SCAND3: variants seen among roughly 807,000 people sequenced by gnomAD.
SCAND3 encodes SCAN domain-containing protein 3.
the SCAND3 span, among the ~76,000 whole-genome samples, chr6:28,592,528 T>A: frequency 6.6e-6 from 1 of 152,140 alleles, no homozygotes; most frequent in South Asian, 2.1e-4. This position sits in a 1 kb window ranked among gnomAD's most constrained non-coding sequence, Gnocchi z 4.1. Context: ...TTCAATGCAA[T>A]CCTTGTCAAA....
the SCAND3 span, among the ~76,000 whole-genome samples, chr6:28,613,918 A>T: frequency 6.6e-6 from 1 of 151,854 alleles, no homozygotes; most frequent in African/African-American, 2.4e-5. Context: ...TATAGACACT[A>T]CTATACCACT....
the SCAND3 span, among the ~76,000 whole-genome samples, chr6:28,600,899 C>CTTTTT: frequency 2.3e-4 from 27 of 119,668 alleles, no homozygotes; most frequent in Non-Finnish European, 2.2e-4. Flanking sequence ...CAACATGTGC[C>CTTTTT]TTTTTTTTTT....
chr6:28,596,172 G>A, the SCAND3 span, among the ~76,000 whole-genome samples: 1 of 152,110 alleles, frequency 6.6e-6, no homozygotes, highest in Non-Finnish European at 1.5e-5. Flanking sequence ...AAAGTTATTT[G>A]TGCAGCATAG....
chr6:28,605,553 G>A, the SCAND3 span, among the ~76,000 whole-genome samples: 1 of 152,086 alleles, frequency 6.6e-6, no homozygotes, highest in Non-Finnish European at 1.5e-5. Flanking sequence ...ATGAAATGAG[G>A]CCGGGAGCAG....
At chr6:28,593,158 T>A in the SCAND3 span, among the ~76,000 whole-genome samples, 1 of 151,806 alleles carries the variant, frequency 6.6e-6, no homozygotes, top group Non-Finnish European at 1.5e-5. Context: ...AAACCTTATA[T>A]CTAATAAAGG....
At chr6:28,575,719 T>A in the SCAND3 span, 1 of 1,614,000 alleles carries the variant, frequency 6.2e-7, no homozygotes, top group Admixed American at 1.7e-5. This position sits in a 1 kb window ranked among gnomAD's most constrained non-coding sequence, Gnocchi z 4.2. Context: ...CGCTTGTAAC[T>A]CTTTCTCCAT....
chr6:28,590,502 G>A, the SCAND3 span: 1 of 152,246 alleles, frequency 6.6e-6, no homozygotes, highest in African/African-American at 2.4e-5. Flanking sequence ...TTAGAATGAG[G>A]TGGGAAATGT....
chr6:28,588,063 T>A, the SCAND3 span: 1 of 152,220 alleles, frequency 6.6e-6, no homozygotes, highest in African/African-American at 2.4e-5. This position sits in a 1 kb window ranked among gnomAD's most constrained non-coding sequence, Gnocchi z 4.1. Flanking sequence ...TTTCTCACAT[T>A]TTGGCATTTC....
chr6:28,615,123 G>A, the SCAND3 span, among the ~76,000 whole-genome samples: 2 of 152,186 alleles, frequency 1.3e-5, no homozygotes, highest in Non-Finnish European at 2.9e-5. Flanking sequence ...CACACTGGTG[G>A]CATAGAGCTC....
At chr6:28,573,263 G>C in the SCAND3 span, 1 of 1,613,960 alleles carries the variant, frequency 6.2e-7, no homozygotes, top group East Asian at 2.2e-5. Context: ...TGAATACGTC[G>C]AGCTATGGTG....
chr6:28,571,661 A>G, the SCAND3 span: 1 of 390,196 alleles, frequency 2.6e-6, no homozygotes, highest in Non-Finnish European at 4.4e-6. Flanking sequence ...TAGAATCAAC[A>G]GATTTAAAAT....
chr6:28,575,319 C>G, the SCAND3 span: 2 of 1,613,856 alleles, frequency 1.2e-6, no homozygotes, highest in African/African-American at 2.7e-5. This position sits in a 1 kb window ranked among gnomAD's most constrained non-coding sequence, Gnocchi z 4.2. Flanking sequence ...TCTGAGACTT[C>G]CCATGGACAA....
the SCAND3 span, among the ~76,000 whole-genome samples, chr6:28,593,888 A>T: frequency 2.0e-5 from 3 of 151,982 alleles, no homozygotes; most frequent in African/African-American, 7.2e-5. Flanking sequence ...TTTATTTTGT[A>T]GAGATGGTGG....
chr6:28,599,043 GAAGA>G, the SCAND3 span, among the ~76,000 whole-genome samples: 1 of 151,770 alleles, frequency 6.6e-6, no homozygotes, highest in Admixed American at 6.6e-5. Context: ...AAAAAGAAAA[GAAGA>G]AAGAAACAGA....
At chr6:28,590,982 T>G in the SCAND3 span, 1 of 152,186 alleles carries the variant, frequency 6.6e-6, no homozygotes, top group African/African-American at 2.4e-5. Context: ...TCACCCAAAG[T>G]GTTCTCCCTT....
At chr6:28,612,769 T>C in the SCAND3 span, among the ~76,000 whole-genome samples, 3 of 152,220 alleles carry the variant, frequency 2.0e-5, no homozygotes, top group African/African-American at 7.2e-5. Flanking sequence ...ACCACACACA[T>C]GTAACAGTGG....
At chr6:28,581,114 A>C in the SCAND3 span, among the ~76,000 whole-genome samples, 1 of 151,952 alleles carries the variant, frequency 6.6e-6, no homozygotes, top group South Asian at 2.1e-4. Flanking sequence ...AGGTGGGAGG[A>C]TTGCTTGAGC....
chr6:28,575,325 G>A, the SCAND3 span: 2 of 1,613,942 alleles, frequency 1.2e-6, no homozygotes, highest in Non-Finnish European at 1.7e-6. This position sits in a 1 kb window ranked among gnomAD's most constrained non-coding sequence, Gnocchi z 4.2. Context: ...ACTTCCCATG[G>A]ACAATTTTCA....
chr6:28,612,111 A>T, the SCAND3 span, among the ~76,000 whole-genome samples: 1 of 151,664 alleles, frequency 6.6e-6, no homozygotes, highest in African/African-American at 2.4e-5. Context: ...ATCTCAGCTC[A>T]CTGCAACCTC....
Sources: gnomAD v4.1 joint callset for allele counts (sites outside exome capture counted in the v4.1 genomes callset) on GRCh38, gnomAD v4.1.1 for gene constraint, Gnocchi (gnomAD v3.1) non-coding constraint, MANE v1.5 for transcripts, NCBI Gene and HGNC (gene_info 2026-07-23, HGNC 2026-07-21) for gene names.